The following EVC2 variants were observed in gnomAD, a reference collection of about 807,000 sequenced individuals.
The protein encoded by EVC2 is EvC ciliary complex subunit 2.
A neutral mutation model predicts 149.3 loss-of-function variants in EVC2; 148 were observed. The observed-to-expected ratio is 0.99, with a 90% CI of 0.87 to 1.14. The LOEUF is 1.14. Among genes scored for constraint, EVC2 ranks in the 50% most tolerant of loss-of-function variants. The pLI is 0.00. For synonymous variants in EVC2, 776 were observed against 649.9 expected (o/e 1.19, Z -2.95); for missense variants, 1,854 against 1,627.3 (o/e 1.14, Z -2.40).
intron 21 of EVC2, among the ~76,000 whole-genome samples, chr4:5,548,982 T>G (rs1191029422): frequency 9.0e-6 from 1 of 111,428 alleles, no homozygotes; most frequent in East Asian, 8.5e-4. Flanking sequence ...TCTTTCTTTC[T>G]TTCTTCCGTC....
In EVC2 at chr4:5,679,145, C is replaced by G. The variant is rs757857300; in HGVS notation, c.870+2115G>C. ...GGTCTGGAAGTTGCTCTGGGCCAGT[C>G]AGTGAGTGAGTGGTGAGTGAATGTG... On this transcript the variant is annotated intron_variant, in intron 7 of 21. Coordinates refer to ENST00000344408, the MANE Select transcript of EVC2 (RefSeq NM_147127.5). The surrounding 1 kb of genome is among the most constrained non-coding windows in gnomAD (Gnocchi z 5.1). Among the ~76,000 whole-genome samples the G allele has an allele frequency of 1.3e-5, 2 of 152,014 alleles. No individual in the cohort carries two copies. The highest frequency in any genetic ancestry group is 3.8e-4 in the East Asian group (2 of 5,196).
chr4:5,583,492 G>A (rs1331885114), intron 17 of EVC2, among the ~76,000 whole-genome samples: 7 of 152,112 alleles, frequency 4.6e-5, no homozygotes. Context: ...TCTTTTGTGT[G>A]GTTTGGAAGA....
chr4:5,614,442 T>A lies in EVC2; in HGVS notation c.2829+980A>T, dbSNP rs1305594742. ...ATACTTGTGGAACAAATTAACCATG[T>A]GATAGGTGCTATGGTAAGGAAGAGT... On this transcript the variant is annotated intron_variant, in intron 16 of 21. Coordinates refer to ENST00000344408, the MANE Select transcript of EVC2 (RefSeq NM_147127.5). The surrounding 1 kb of genome is among the most constrained non-coding windows in gnomAD (Gnocchi z 4.7). 2.0e-5 allele frequency among the ~76,000 whole-genome samples: 3 copies of A among 152,054 alleles called. No individual in the cohort carries two copies. Among genetic ancestry groups the A allele is most frequent in the Non-Finnish European group, 4.4e-5 (3 of 68,012 alleles).
chr4:5,658,166 C>T (rs576107557), intron 9 of EVC2, among the ~76,000 whole-genome samples: 16 of 152,282 alleles, frequency 1.1e-4, no homozygotes, highest in African/African-American at 3.8e-4. Context: ...GTCCGGCAAA[C>T]AAGAGTCTTG....
At chr4:5,665,469 A>G in intron 8 of EVC2, 46 bp downstream of exon 8, 1 of 1,613,382 alleles carries the variant, frequency 6.2e-7, no homozygotes, top group Non-Finnish European at 8.5e-7. Context: ...GATGAACTTC[A>G]ACCTCACATT....
downstream of EVC2, among the ~76,000 whole-genome samples, chr4:5,541,351 T>C (rs989931425): frequency 5.9e-5 from 9 of 152,140 alleles, no homozygotes; most frequent in South Asian, 1.7e-3. Flanking sequence ...ATCAGATCAA[T>C]AGGGAGTGCG....
At chr4:5,599,357 G>A (rs576851074) in intron 16 of EVC2, among the ~76,000 whole-genome samples, 1 of 152,188 alleles carries the variant, frequency 6.6e-6, no homozygotes, top group East Asian at 1.9e-4. Context: ...TTAAGAAAAT[G>A]TGGCACATAT....
At position 5,567,716 on chromosome 4, in the gene EVC2, T is replaced by TA. The variant is rs1403822351; in HGVS notation, c.3557+727dup. Among the ~76,000 whole-genome samples, 2 of 151,050 alleles carry TA rather than the reference T, an allele frequency of 1.3e-5. No homozygotes were observed. Among genetic ancestry groups the TA allele is most frequent in the African/African-American group, 4.9e-5 (2 of 41,110 alleles). Reference sequence around the variant, plus strand: ...TGTCTATGCAGAGTTACCCATAATTTAAAAAAAAATGGGCCCAAACTGAAT... The same window carrying TA: ...TGTCTATGCAGAGTTACCCATAATTTAAAAAAAAAATGGGCCCAAACTGAAT... On this transcript the variant is annotated intron_variant, in intron 20 of 21. Transcript: ENST00000344408. This position sits in a 1 kb window ranked among gnomAD's most constrained non-coding sequence, Gnocchi z 4.4.
At chr4:5,635,555 G>A (rs978996764) in intron 10 of EVC2, among the ~76,000 whole-genome samples, 3 of 152,202 alleles carry the variant, frequency 2.0e-5, no homozygotes. Context: ...CCTGCATCAG[G>A]CTGGCTGCAG....
chr4:5,606,698 C>T (rs58156866), intron 16 of EVC2, among the ~76,000 whole-genome samples: 6,384 of 151,896 alleles, frequency 0.042, 436 homozygotes, highest in African/African-American at 0.14. Context: ...ATGAGAGAGA[C>T]GGTGGAACAA....
intron 10 of EVC2, among the ~76,000 whole-genome samples, chr4:5,632,427 C>G (rs993085401): frequency 6.6e-6 from 1 of 152,142 alleles, no homozygotes. Context: ...ATATGCTGTT[C>G]CAACCTGTCC....
chr4:5,680,003 A>G (rs999892151), intron 7 of EVC2, among the ~76,000 whole-genome samples: 1 of 152,272 alleles, frequency 6.6e-6, no homozygotes, highest in Non-Finnish European at 1.5e-5. Context: ...TAAGACACAC[A>G]TTAGCCTAGT....
intron 16 of EVC2, among the ~76,000 whole-genome samples, chr4:5,600,427 C>A (rs1430032920): frequency 6.6e-6 from 1 of 152,084 alleles, no homozygotes. Context: ...TTCTTCATTT[C>A]TAATGATAAA....
At chr4:5,694,734 C>T (rs1048886594) in intron 2 of EVC2, among the ~76,000 whole-genome samples, 1 of 152,148 alleles carries the variant, frequency 6.6e-6, no homozygotes, top group African/African-American at 2.4e-5. Flanking sequence ...GTCTCCTTAC[C>T]TGGGTTGTGC....
At chr4:5,656,955 T>C (rs1022652697) in intron 9 of EVC2, among the ~76,000 whole-genome samples, 1 of 152,094 alleles carries the variant, frequency 6.6e-6, no homozygotes, top group Non-Finnish European at 1.5e-5. Context: ...CTGCATCCCA[T>C]TGTATAGGTA....
At position 5,569,165 on chromosome 4, in the gene EVC2, G is replaced by T. The variant is rs1423633947; in HGVS notation, c.3361-525C>A. On this transcript the variant is annotated intron_variant, in intron 19 of 21. Transcript: ENST00000344408. This position sits in a 1 kb window ranked among gnomAD's most constrained non-coding sequence, Gnocchi z 4.8. The stretch of plus-strand genomic sequence containing the variant: ...AGTCTCCAAAGGTCACGTGCTGCGT[G>T]ATTCCATGCATGTAACCACCTGGGC... Among the ~76,000 whole-genome samples the T allele has an allele frequency of 2.6e-5, 4 of 152,212 alleles. No homozygotes were observed. The highest frequency in any genetic ancestry group is 5.9e-5 in the Non-Finnish European group (4 of 68,044).
chr4:5,651,193 G>A (rs557580702), intron 9 of EVC2, among the ~76,000 whole-genome samples: 1 of 152,222 alleles, frequency 6.6e-6, no homozygotes, highest in East Asian at 1.9e-4. Flanking sequence ...TAGATGGGTC[G>A]ATAGATGGCT....
intron 1 of EVC2, among the ~76,000 whole-genome samples, chr4:5,698,740 A>C (rs1488510422): frequency 2.6e-5 from 4 of 152,226 alleles, no homozygotes; most frequent in South Asian, 2.1e-4. Context: ...GTAATGAGAT[A>C]ACTCACTCCA....
chr4:5,665,482 C>T (rs1347290410), intron 8 of EVC2, 33 bp downstream of exon 8: 1 of 1,613,748 alleles, frequency 6.2e-7, no homozygotes, highest in East Asian at 2.2e-5. Context: ...CTCACATTCA[C>T]CACCTTCCAA....
Sources: allele counts gnomAD v4.1 joint callset (sites outside exome capture counted in the v4.1 genomes callset), GRCh38; gene constraint gnomAD v4.1.1; non-coding constraint Gnocchi (gnomAD v3.1); transcripts MANE v1.5; gene names NCBI Gene and HGNC (gene_info 2026-07-23, HGNC 2026-07-21).